The following MAST4 variants were observed in gnomAD, a reference collection of about 807,000 sequenced individuals.
MAST4 encodes the protein microtubule-associated serine/threonine-protein kinase 4.
Under a neutral mutation model 162.7 loss-of-function variants are expected in MAST4, and 89 were observed. That is an observed-to-expected ratio of 0.55 (90% CI 0.46 to 0.65). MAST4 has a LOEUF of 0.65. Ranked by LOEUF, MAST4 falls within the 30% of genes least tolerant of loss-of-function variation. MAST4 has a pLI of 0.00. For missense variants in MAST4, 3,153 were observed against 3,374.0 expected (o/e 0.93, Z 1.62); for synonymous variants, 1,479 against 1,361.1 (o/e 1.09, Z -1.91).
At chr5:66,784,722 TG>T (rs1755031642) in intron 2 of MAST4, among the ~76,000 whole-genome samples, 1 of 152,228 alleles carries the variant, frequency 6.6e-6, no homozygotes, top group Non-Finnish European at 1.5e-5. Context: ...GCTGTGGTGG[TG>T]GTGGAGGATG....
chr5:66,722,453 G>GGTT (rs1554046143), intron 1 of MAST4, among the ~76,000 whole-genome samples: 9 of 141,888 alleles, frequency 6.3e-5, no homozygotes, highest in African/African-American at 2.3e-4. Flanking sequence ...CTGGTTCTGG[G>GGTT]TTTTTTTTTT....
chr5:66,967,895 A>C (rs181990599), intron 4 of MAST4, among the ~76,000 whole-genome samples: 1 of 152,234 alleles, frequency 6.6e-6, no homozygotes, highest in East Asian at 1.9e-4. Flanking sequence ...ATAACCACTC[A>C]GAATTTCTCA....
chr5:66,914,438 G>A (rs149243613), intron 4 of MAST4, among the ~76,000 whole-genome samples: 97 of 152,298 alleles, frequency 6.4e-4, no homozygotes, highest in African/African-American at 2.3e-3. Flanking sequence ...AGTTGGGTGG[G>A]TGGTTCAGGG....
chr5:67,039,895 G>T (rs905735108), intron 4 of MAST4, among the ~76,000 whole-genome samples: 2 of 151,768 alleles, frequency 1.3e-5, no homozygotes, highest in African/African-American at 2.4e-5. Context: ...ACAATTTGGG[G>T]TTACAAGGCT....
At chr5:66,990,611 C>T (rs997415999) in intron 4 of MAST4, among the ~76,000 whole-genome samples, 2 of 152,162 alleles carry the variant, frequency 1.3e-5, no homozygotes, top group African/African-American at 4.8e-5. Context: ...TGCACTCCAG[C>T]CTGGGAGACA....
At chr5:66,840,296 T>A (rs1758328011) in intron 3 of MAST4, among the ~76,000 whole-genome samples, 1 of 152,194 alleles carries the variant, frequency 6.6e-6, no homozygotes, top group Non-Finnish European at 1.5e-5. Context: ...TTATCTTTTT[T>A]AATTACCTGT....
intron 4 of MAST4, among the ~76,000 whole-genome samples, chr5:67,003,270 A>C (rs540371019): frequency 1.1e-4 from 16 of 152,266 alleles, no homozygotes; most frequent in African/African-American, 3.9e-4. Context: ...TTCTTTGTCT[A>C]CCTCTGTGGG....
intron 3 of MAST4, among the ~76,000 whole-genome samples, chr5:66,894,860 A>G (rs1201366930): frequency 6.6e-6 from 1 of 152,084 alleles, no homozygotes; most frequent in East Asian, 1.9e-4. Flanking sequence ...CCACTATACT[A>G]GTGAGGGAGC....
intron 1 of MAST4, among the ~76,000 whole-genome samples, chr5:66,688,561 C>T (rs989666777): frequency 6.6e-6 from 1 of 152,120 alleles, no homozygotes; most frequent in Non-Finnish European, 1.5e-5. Flanking sequence ...TCTCTTTATA[C>T]CTCTTATTCT....
intron 1 of MAST4, among the ~76,000 whole-genome samples, chr5:66,667,342 G>C (rs918385034): frequency 2.0e-5 from 3 of 152,150 alleles, no homozygotes; most frequent in African/African-American, 7.2e-5. Flanking sequence ...ACTCCATTTA[G>C]AAATAGTAGG....
At chr5:66,774,372 G>A (rs1004350192) in intron 2 of MAST4, among the ~76,000 whole-genome samples, 6 of 152,138 alleles carry the variant, frequency 3.9e-5, no homozygotes, top group South Asian at 4.1e-4. Context: ...AGTAAACAAA[G>A]GGGGGAATAA....
At chr5:66,718,606 G>A (rs1052469089) in intron 1 of MAST4, among the ~76,000 whole-genome samples, 1 of 152,110 alleles carries the variant, frequency 6.6e-6, no homozygotes, top group Non-Finnish European at 1.5e-5. Flanking sequence ...TTACAGTGTT[G>A]TTTTTTCTGT....
Position 66,824,995 on chromosome 5 carries a change from A to G in MAST4, c.642+36201A>G, listed in dbSNP as rs569708162. On this transcript the variant is annotated intron_variant, in intron 3 of 28. Coordinates refer to ENST00000403625, the MANE Select transcript of MAST4 (RefSeq NM_001164664.2). ...AAGGCCTCCTACATTACAGTGCACT[A>G]CTGTAGACTTTACAAATAATGTACA... 9.2e-5 allele frequency among the ~76,000 whole-genome samples: 14 copies of G among 152,338 alleles called. No individual in the cohort carries two copies. In the South Asian group the frequency reaches 2.3e-3, roughly 25 times the overall value.
chr5:66,925,877 A>C (rs1428434405), intron 4 of MAST4, among the ~76,000 whole-genome samples: 1 of 152,112 alleles, frequency 6.6e-6, no homozygotes, highest in Non-Finnish European at 1.5e-5. Flanking sequence ...TAATAAGAAC[A>C]TGCTATGTTC....
At chr5:66,673,504 C>T (rs1747741000) in intron 1 of MAST4, among the ~76,000 whole-genome samples, 1 of 148,664 alleles carries the variant, frequency 6.7e-6, no homozygotes, top group African/African-American at 2.5e-5. Context: ...CTACAATACG[C>T]TAGTTTTTTT....
At chr5:66,807,840 T>TCCACTC (rs1324751344) in intron 3 of MAST4, among the ~76,000 whole-genome samples, 4 of 152,196 alleles carry the variant, frequency 2.6e-5, no homozygotes, top group Admixed American at 2.6e-4. Flanking sequence ...GTCTTCCACT[T>TCCACTC]CCACTCCCAT....
At chr5:66,628,481 C>G (rs577307707) in intron 1 of MAST4, among the ~76,000 whole-genome samples, 52 of 152,074 alleles carry the variant, frequency 3.4e-4, no homozygotes, top group African/African-American at 1.2e-3. Context: ...ATCTAACGCA[C>G]TCAGGCTGAA....
chr5:66,617,721 T>C (rs1698406733), intron 1 of MAST4, among the ~76,000 whole-genome samples: 1 of 152,118 alleles, frequency 6.6e-6, no homozygotes, highest in Non-Finnish European at 1.5e-5. Flanking sequence ...ACATGCATGC[T>C]CACCCTCTCT....
intron 4 of MAST4, among the ~76,000 whole-genome samples, chr5:66,963,111 GA>G (rs894688991): frequency 5.3e-5 from 8 of 152,188 alleles, no homozygotes; most frequent in African/African-American, 1.9e-4. Context: ...TTGGATTTGA[GA>G]AGACCTCTCT....
Sources: gnomAD v4.1 joint callset for allele counts (sites outside exome capture counted in the v4.1 genomes callset) on GRCh38, gnomAD v4.1.1 for gene constraint, MANE v1.5 for transcripts, NCBI Gene and HGNC (gene_info 2026-07-23, HGNC 2026-07-21) for gene names.